The following TRPM6 variants were observed in gnomAD, a reference collection of about 807,000 sequenced individuals.
TRPM6 encodes channel kinase 2.
A neutral mutation model predicts 247.6 loss-of-function variants in TRPM6; 111 were observed. The observed-to-expected ratio is 0.45, with a 90% CI of 0.38 to 0.52. The LOEUF is 0.52. TRPM6 is among the 20% of genes least tolerant of loss of function. The pLI is 0.00. For missense variants in TRPM6, 2,126 were observed against 2,421.5 expected, an observed-to-expected ratio of 0.88 and a Z score of 2.56; for synonymous variants, 892 against 853.8, an observed-to-expected ratio of 1.04 and a Z score of -0.78.
Position 74,752,364 on chromosome 9 carries a change from T to C in TRPM6, c.4911A>G (p.Val1637=). 6.5e-7 allele frequency: 1 copy of C among 1,541,578 alleles called. No individual in the cohort carries two copies. Among genetic ancestry groups the C allele is most frequent in the African/African-American group, 1.4e-5 (1 of 73,818 alleles). ...TCATTTTCTGATGTATGTAAGGTTCTACACCTTGTAAAGAGGAAGAGAAAG... is the reference window on the plus strand; with the variant it reads ...TCATTTTCTGATGTATGTAAGGTTCCACACCTTGTAAAGAGGAAGAGAAAG... ...FTVSKFSHTG[V]EPYIHQKMKT... Residue 1637 remains valine (V), a synonymous_variant, in exon 29 of 39, where the codon GTA becomes GTG. Transcript: ENST00000360774.
Position 74,802,027 on chromosome 9 carries a change from A to G in TRPM6, c.1880T>C (p.Phe627Ser). 1.2e-6 allele frequency: 2 copies of G among 1,614,208 alleles called. No homozygotes were observed. Among genetic ancestry groups the G allele is most frequent in the Non-Finnish European group, 1.7e-6 (2 of 1,180,034 alleles). ...CGTGGCCTCCTCTCCATGCTGCCAG[A>G]AGAACATAGCCATCTTCTGCCTTTT... Reference protein sequence around the residue: ...LMKRQKMAMFFWQHGEEATVK... With the variant: ...LMKRQKMAMFSWQHGEEATVK... The change falls in exon 16 of 39, where the codon TTC (phenylalanine) becomes TCC (serine). Residue 627 changes from phenylalanine (F) to serine (S), a missense_variant. Physicochemically the swap from Phe to Ser is radical, Grantham distance 155. Around this residue, in one of 3 missense-constraint regions of TRPM6, gnomAD observed 1,082 missense variants for 1,307.9 expected, o/e 0.83. Transcript: ENST00000360774.
intron 28 of TRPM6, among the ~76,000 whole-genome samples, chr9:74,753,819 T>C (rs1381560338): frequency 6.6e-6 from 1 of 152,128 alleles, no homozygotes; most frequent in Non-Finnish European, 1.5e-5. Context: ...AACAAGCTTC[T>C]CAACTCTGGA....
At position 74,789,753 on chromosome 9, in the gene TRPM6, A is replaced by G. The variant is rs1262308850; in HGVS notation, c.2539-1011T>C. On this transcript the variant is annotated intron_variant, in intron 19 of 38. Transcript: ENST00000360774. ...GGCGGGTGGATCACCTGAGGTTAGG[A>G]GTTCGAGACCAGCCTGGCCAGCATG... 3.3e-5 allele frequency among the ~76,000 whole-genome samples: 5 copies of G among 152,076 alleles called. No homozygotes were observed. The East Asian group carries it at 7.7e-4, about 24-fold the overall frequency.
chr9:74,855,316 C>T (rs1227057434), intron 3 of TRPM6, among the ~76,000 whole-genome samples: 1 of 152,082 alleles, frequency 6.6e-6, no homozygotes, highest in Non-Finnish European at 1.5e-5. Context: ...TGTCGAAGGC[C>T]CTTAGCCAAT....
chr9:74,742,479 A>G, intron 33 of TRPM6, 82 bp downstream of exon 33: 1 of 1,339,160 alleles, frequency 7.5e-7, no homozygotes, highest in South Asian at 1.2e-5. Flanking sequence ...AACTAAAATA[A>G]TGCAATGTGG....
At chr9:74,804,804 G>T (rs1443959938) in intron 14 of TRPM6, 3 of 602,684 alleles carry the variant, frequency 5.0e-6, no homozygotes, top group South Asian at 2.0e-5. Context: ...TAAGCAACAT[G>T]GAAATAAGCT....
chr9:74,824,392 T>C (rs1441271191), intron 7 of TRPM6, among the ~76,000 whole-genome samples: 1 of 151,504 alleles, frequency 6.6e-6, no homozygotes, highest in Non-Finnish European at 1.5e-5. Flanking sequence ...CCTCAGGGGA[T>C]CCATCCACCT....
rs1350660349 is a variant in TRPM6, at chr9:74,723,365, T to C, written c.*1248A>G. On this transcript the variant is annotated 3_prime_UTR_variant, in exon 39 of 39. Coordinates refer to ENST00000360774, the MANE Select transcript of TRPM6 (RefSeq NM_017662.5). ...ACATAAAGTAATTTAACCTGCAATATTATATATACAACTTTGGAAGGAGGA... is the reference window on the plus strand; with the variant it reads ...ACATAAAGTAATTTAACCTGCAATACTATATATACAACTTTGGAAGGAGGA... 6.6e-6 allele frequency: 1 copy of C among 152,086 alleles called. No individual in the cohort carries two copies. The highest frequency in any genetic ancestry group is 2.4e-5 in the African/African-American group (1 of 41,412). The allele number at this position is 152,086 out of a possible 1,614,324, so 9.4% of individuals were successfully genotyped here.
chr9:74,765,486 T>C (rs1314227752), intron 25 of TRPM6, among the ~76,000 whole-genome samples: 1 of 152,220 alleles, frequency 6.6e-6, no homozygotes, highest in Non-Finnish European at 1.5e-5. Flanking sequence ...CTTCCCTTGT[T>C]TCATTCTATT....
At chr9:74,726,297 G>A (rs1037736793) in intron 38 of TRPM6, among the ~76,000 whole-genome samples, 5 of 152,122 alleles carry the variant, frequency 3.3e-5, no homozygotes, top group Middle Eastern at 3.2e-3. Context: ...ATAACCTGAG[G>A]TCAAGAGTTC....
At chr9:74,844,268 C>T (rs898736068) in intron 3 of TRPM6, among the ~76,000 whole-genome samples, 1 of 152,170 alleles carries the variant, frequency 6.6e-6, no homozygotes, top group African/African-American at 2.4e-5. Context: ...GTCAGCCTGT[C>T]CTTTGAAGTT....
intron 1 of TRPM6, among the ~76,000 whole-genome samples, chr9:74,872,429 G>T (rs1815302043): frequency 6.6e-6 from 1 of 152,136 alleles, no homozygotes; most frequent in Non-Finnish European, 1.5e-5. Flanking sequence ...GAGCTGCCAT[G>T]CCTGTGAGCT....
At chr9:74,755,242 T>G in intron 28 of TRPM6, 111 bp downstream of exon 28, 1 of 1,177,232 alleles carries the variant, frequency 8.5e-7, no homozygotes, top group Non-Finnish European at 1.3e-6. Flanking sequence ...CATCTTCTCT[T>G]TCCCTCATCT....
Position 74,793,649 on chromosome 9 carries a change from T to C in TRPM6, c.2392-879A>G, listed in dbSNP as rs573119092. On this transcript the variant is annotated intron_variant, in intron 18 of 38. Coordinates refer to ENST00000360774, the MANE Select transcript of TRPM6 (RefSeq NM_017662.5). Reference sequence around the variant, plus strand: ...TACATTGATGATGCATGGCCATTCCTTGTCATAGGAAATTCAGGCACTGCA... The same window carrying C: ...TACATTGATGATGCATGGCCATTCCCTGTCATAGGAAATTCAGGCACTGCA... Among the ~76,000 whole-genome samples, 4 of 152,364 alleles carry C rather than the reference T, an allele frequency of 2.6e-5. No homozygotes were observed. The South Asian group carries it at 8.3e-4, about 32-fold the overall frequency.
At chr9:74,802,303 A>G in intron 15 of TRPM6, 128 bp from the exon 16 acceptor site, 1 of 871,320 alleles carries the variant, frequency 1.1e-6, no homozygotes, top group East Asian at 2.7e-5. Flanking sequence ...AAATAATAAT[A>G]AGATTTTACA....
chr9:74,767,041 C>T (rs1242866483), intron 25 of TRPM6, among the ~76,000 whole-genome samples: 1 of 152,186 alleles, frequency 6.6e-6, no homozygotes, highest in Non-Finnish European at 1.5e-5. Flanking sequence ...CTCAGCAACT[C>T]ACCTAGGATC....
chr9:74,819,656 TC>T (rs1829074683), intron 9 of TRPM6, among the ~76,000 whole-genome samples: 1 of 152,226 alleles, frequency 6.6e-6, no homozygotes, highest in African/African-American at 2.4e-5. Flanking sequence ...TTTCCCATTG[TC>T]CAGTACATTC....
In TRPM6 at chr9:74,776,073, G is replaced by A. The variant is rs376920206; in HGVS notation, c.3213C>T (p.Asn1071=). The change falls in exon 24 of 39, where the codon AAC becomes AAT. Residue 1071 remains asparagine, a synonymous_variant. Coordinates refer to ENST00000360774, the MANE Select transcript of TRPM6 (RefSeq NM_017662.5). ...AAATGGATTCCATATCTAAGTAAAC[G>A]TTGCTGTAAGATGAAGTAAGAGAGG... is the stretch of plus-strand genomic sequence containing the variant. ...MVNLLIAFFN[N]VYLDMESISN... 10 of 1,612,784 alleles carry A rather than the reference G, an allele frequency of 6.2e-6. No individual in the cohort carries two copies. Among genetic ancestry groups the A allele is most frequent in the East Asian group, 2.2e-5 (1 of 44,870 alleles).
intron 14 of TRPM6, 68 bp downstream of exon 14, chr9:74,807,966 G>A: frequency 1.3e-6 from 2 of 1,583,076 alleles, no homozygotes; most frequent in Non-Finnish European, 1.7e-6. Context: ...AACTTCCAAG[G>A]CCATTTTTCC....
Sources: gnomAD v4.1 joint callset for allele counts (sites outside exome capture counted in the v4.1 genomes callset) on GRCh38, gnomAD v4.1.1 for gene constraint, gnomAD v4.1.1 regional missense constraint, MANE v1.5 for transcripts, NCBI Gene and HGNC (gene_info 2026-07-23, HGNC 2026-07-21) for gene names.